The following KCNH5 variants were observed in gnomAD, a reference collection of about 807,000 sequenced individuals.
KCNH5 encodes the protein potassium voltage-gated channel subfamily H member 5, also known as voltage-gated delayed rectifier potassium channel KCNH5.
Under a neutral mutation model 96.1 loss-of-function variants are expected in KCNH5, and 46 were observed. The observed-to-expected ratio is 0.48, with a 90% CI of 0.38 to 0.61. The LOEUF (loss-of-function observed/expected upper bound fraction) is 0.61. Ranked by LOEUF, KCNH5 falls within the 20% of genes least tolerant of loss-of-function variation. The pLI, the probability that KCNH5 is intolerant of heterozygous loss-of-function variation, is 0.00. For missense variants in KCNH5, 907 were observed against 1,225.8 expected (o/e 0.74, Z 3.88); for synonymous variants, 439 against 449.8 (o/e 0.98, Z 0.30).
chr14:62,764,794 C>T (rs1412044883), intron 10 of KCNH5, among the ~76,000 whole-genome samples: 1 of 152,012 alleles, frequency 6.6e-6, no homozygotes, highest in Non-Finnish European at 1.5e-5. Context: ...AAATAAAGTA[C>T]CCAAAAACAC....
chr14:62,856,202 A>C lies in KCNH5; in HGVS notation c.1370-6350T>G, dbSNP rs371454249. 7.4e-4 allele frequency among the ~76,000 whole-genome samples: 112 copies of C among 152,322 alleles called. 4 individuals are homozygous for C. In the South Asian group the frequency reaches 0.023, roughly 31 times the overall value. On this transcript the variant is annotated intron_variant, in intron 7 of 10. Coordinates refer to ENST00000322893, the MANE Select transcript of KCNH5 (RefSeq NM_139318.5). ...TAAATTGCTCATGATAAGAGATCAA[A>C]TAGTGATATTCAGGTCTCTAAAAAA...
chr14:62,712,795 T>C (rs1299640143), intron 10 of KCNH5: 1 of 728,478 alleles, frequency 1.4e-6, no homozygotes, highest in African/African-American at 1.7e-5. Context: ...AAGAGCTTTG[T>C]GCGAGGCAGT....
intron 7 of KCNH5, among the ~76,000 whole-genome samples, chr14:62,872,915 C>T (rs555334792): frequency 6.6e-6 from 1 of 152,132 alleles, no homozygotes; most frequent in Non-Finnish European, 1.5e-5. Context: ...CTTTGGGAGG[C>T]CAAGGCTGGT....
chr14:62,839,482 A>C (rs10140000), intron 8 of KCNH5, among the ~76,000 whole-genome samples: 1 of 152,130 alleles, frequency 6.6e-6, no homozygotes, highest in Admixed American at 6.6e-5. Flanking sequence ...ATATGGGTTA[A>C]GTCTGTGGAT....
At chr14:63,008,093 T>C (rs554293964) in intron 2 of KCNH5, among the ~76,000 whole-genome samples, 7 of 152,172 alleles carry the variant, frequency 4.6e-5, no homozygotes, top group Non-Finnish European at 1.0e-4. Flanking sequence ...GTGGCATTAC[T>C]AAACACCTTA....
intron 1 of KCNH5, among the ~76,000 whole-genome samples, chr14:63,041,245 C>A (rs1891818960): frequency 6.6e-6 from 1 of 152,054 alleles, no homozygotes; most frequent in South Asian, 2.1e-4. Context: ...ACCTAAAAGT[C>A]CTAAAAACAG....
chr14:62,770,876 T>TAGACTGA (rs1351267604), intron 10 of KCNH5, among the ~76,000 whole-genome samples: 1 of 152,210 alleles, frequency 6.6e-6, no homozygotes, highest in African/African-American at 2.4e-5. Flanking sequence ...ACTGAATGTT[T>TAGACTGA]ATGTCTCCCA....
At chr14:63,042,726 C>T (rs775891651) in intron 1 of KCNH5, among the ~76,000 whole-genome samples, 1 of 152,078 alleles carries the variant, frequency 6.6e-6, no homozygotes, top group African/African-American at 2.4e-5. Context: ...TATTTCTCTG[C>T]CAAATCATAT....
At chr14:62,989,328 G>A (rs1370510276) in intron 4 of KCNH5, among the ~76,000 whole-genome samples, 1 of 151,982 alleles carries the variant, frequency 6.6e-6, no homozygotes, top group African/African-American at 2.4e-5. Context: ...TCTGTCTCTT[G>A]CCACTTTCTC....
chr14:62,777,078 A>G (rs1886112847), intron 10 of KCNH5, among the ~76,000 whole-genome samples: 1 of 152,254 alleles, frequency 6.6e-6, no homozygotes, highest in African/African-American at 2.4e-5. Context: ...TTCACAATGA[A>G]TGTTCATTGC....
intron 7 of KCNH5, among the ~76,000 whole-genome samples, chr14:62,890,848 C>A (rs1392626597): frequency 6.6e-6 from 1 of 152,080 alleles, no homozygotes; most frequent in Non-Finnish European, 1.5e-5. Context: ...GAGATACCAT[C>A]TCTGAATAGC....
At chr14:62,939,306 CAG>C (rs1889743554) in intron 7 of KCNH5, among the ~76,000 whole-genome samples, 1 of 152,188 alleles carries the variant, frequency 6.6e-6, no homozygotes, top group Non-Finnish European at 1.5e-5. Flanking sequence ...TCTCCTTCTT[CAG>C]AGTCTACTCT....
At chr14:62,889,017 G>T (rs1888651823) in intron 7 of KCNH5, among the ~76,000 whole-genome samples, 1 of 152,166 alleles carries the variant, frequency 6.6e-6, no homozygotes, top group Admixed American at 6.5e-5. Flanking sequence ...ATATTCTAAT[G>T]GGTGATAACA....
chr14:62,891,787 T>C (rs1376529214), intron 7 of KCNH5, among the ~76,000 whole-genome samples: 4 of 152,262 alleles, frequency 2.6e-5, no homozygotes, highest in Non-Finnish European at 4.4e-5. Context: ...TTTTCATTAT[T>C]ATCATATTTT....
intron 7 of KCNH5, among the ~76,000 whole-genome samples, chr14:62,942,697 C>G (rs1889810889): frequency 6.6e-6 from 1 of 152,292 alleles, no homozygotes; most frequent in African/African-American, 2.4e-5. Flanking sequence ...CATTACAGAT[C>G]ATACTAGTCA....
At chr14:62,893,834 T>G (rs568259513) in intron 7 of KCNH5, among the ~76,000 whole-genome samples, 5 of 152,342 alleles carry the variant, frequency 3.3e-5, no homozygotes, top group African/African-American at 1.2e-4. Flanking sequence ...AGAAGTTCTA[T>G]TGTGGGTAAA....
In KCNH5 at chr14:62,910,269, A is replaced by T. The variant is rs141167333; in HGVS notation, c.1369+39864T>A. 9.2e-5 allele frequency among the ~76,000 whole-genome samples: 14 copies of T among 152,328 alleles called. 1 individual carries two copies. In the East Asian group the frequency reaches 2.7e-3, roughly 29 times the overall value. On this transcript the variant is annotated intron_variant, in intron 7 of 10. Coordinates refer to ENST00000322893, the MANE Select transcript of KCNH5 (RefSeq NM_139318.5). ...CTGTTTTATTAAAGAAATAGCAAAC[A>T]TCATGCTTATTATGAAATTGGAAGC...
At chr14:63,036,126 C>T (rs1295941249) in intron 1 of KCNH5, among the ~76,000 whole-genome samples, 2 of 152,182 alleles carry the variant, frequency 1.3e-5, no homozygotes, top group Non-Finnish European at 2.9e-5. Context: ...GTTTTAGGAA[C>T]GAGCAAGGGG....
At chr14:62,833,437 T>C (rs1193546237) in intron 8 of KCNH5, among the ~76,000 whole-genome samples, 2 of 152,100 alleles carry the variant, frequency 1.3e-5, no homozygotes, top group Non-Finnish European at 1.5e-5. Flanking sequence ...TTGTCAACGA[T>C]TAGTTGACCG....
Sources: allele counts gnomAD v4.1 joint callset (sites outside exome capture counted in the v4.1 genomes callset), GRCh38; gene constraint gnomAD v4.1.1; transcripts MANE v1.5; gene names NCBI Gene and HGNC (gene_info 2026-07-23, HGNC 2026-07-21).